The following PCDH15 variants were observed in gnomAD, a reference collection of about 807,000 sequenced individuals.
PCDH15 encodes the protein protocadherin related 15.
In PCDH15, 129 loss-of-function variants were observed where a neutral mutation model predicts 178.5. The ratio of observed to expected loss-of-function variants is 0.72; its 90% CI spans 0.63 to 0.84. The LOEUF (loss-of-function observed/expected upper bound fraction) is 0.84. Ranked by LOEUF, PCDH15 falls within the 40% of genes least tolerant of loss-of-function variation. The probability of loss-of-function intolerance (pLI) is 0.00; values close to 1 mark genes in which losing one functional copy is unlikely to be tolerated. For synonymous variants in PCDH15, 800 were observed against 732.0 expected, an observed-to-expected ratio of 1.09 and a Z score of -1.50; for missense variants, 2,230 against 2,099.9, an observed-to-expected ratio of 1.06 and a Z score of -1.21.
rs192408214 is a variant in PCDH15 at position 54,320,305 on chromosome 10, C to G, written c.706-2864G>C. ...CAAGCTATTTTAATCTCCCCTTTGA[C>G]TCCTAGAAACCTAGTTTTTCTTCCC... On this transcript the variant is annotated intron_variant, in intron 7 of 37. Coordinates refer to ENST00000644397, the MANE Select transcript of PCDH15 (RefSeq NM_001384140.1). Among the ~76,000 whole-genome samples the G allele has an allele frequency of 1.5e-4, 23 of 152,168 alleles. No homozygotes were observed. The East Asian group carries it at 4.1e-3, about 27-fold the overall frequency.
upstream of PCDH15, among the ~76,000 whole-genome samples, chr10:55,322,887 A>G (rs2132301466): frequency 6.6e-6 from 1 of 152,280 alleles, no homozygotes; most frequent in African/African-American, 2.4e-5. Context: ...TAATAGGGAA[A>G]ATGTCTCTGG....
At chr10:55,419,264 C>G (rs1472266595) in intron 2 of PCDH15, among the ~76,000 whole-genome samples, 4 of 151,608 alleles carry the variant, frequency 2.6e-5, no homozygotes, top group Non-Finnish European at 5.9e-5. Context: ...CCTAGGACAA[C>G]AAATAAATTT....
At chr10:54,429,633 C>T (rs184438610) in intron 3 of PCDH15, among the ~76,000 whole-genome samples, 75 of 151,988 alleles carry the variant, frequency 4.9e-4, no homozygotes, top group Admixed American at 2.4e-3. Context: ...AGTAAAGGCA[C>T]GGAAAAATAT....
At chr10:54,099,326 C>G (rs1403902141) in intron 15 of PCDH15, among the ~76,000 whole-genome samples, 1 of 151,442 alleles carries the variant, frequency 6.6e-6, no homozygotes, top group East Asian at 1.9e-4. Context: ...TGGTGAAACC[C>G]CATCTCTACT....
chr10:55,606,603 A>C (rs1457012383), intron 2 of PCDH15, among the ~76,000 whole-genome samples: 1 of 148,494 alleles, frequency 6.7e-6, no homozygotes, highest in South Asian at 2.2e-4. Context: ...CATATCTACA[A>C]GTATCTGATC....
chr10:55,291,282 T>C (rs1237898695), intron 1 of PCDH15, among the ~76,000 whole-genome samples: 1 of 152,172 alleles, frequency 6.6e-6, no homozygotes, highest in Non-Finnish European at 1.5e-5. Flanking sequence ...CTTAATACAA[T>C]GACAACCAAA....
At chr10:54,277,587 T>C (rs1564845885) in intron 8 of PCDH15, among the ~76,000 whole-genome samples, 1 of 151,706 alleles carries the variant, frequency 6.6e-6, no homozygotes, top group East Asian at 1.9e-4. Flanking sequence ...ATATTTGTAC[T>C]AAAGAAAAAC....
At chr10:54,979,264 G>T (rs1209707583) in intron 2 of PCDH15, among the ~76,000 whole-genome samples, 1 of 152,126 alleles carries the variant, frequency 6.6e-6, no homozygotes, top group African/African-American at 2.4e-5. Context: ...GTTTATAGAA[G>T]AAATTACTGA....
chr10:54,223,304 CAA>C (rs57667414), intron 9 of PCDH15, among the ~76,000 whole-genome samples: 1,065 of 30,676 alleles, frequency 0.035, 14 homozygotes, highest in African/African-American at 0.06. Flanking sequence ...AACTACGTCT[CAA>C]AAAAAAAAAA....
At position 54,431,910 on chromosome 10, in the gene PCDH15, G is replaced by T. The variant is rs137952478; in HGVS notation, c.158-52968C>A. On this transcript the variant is annotated intron_variant, in intron 3 of 37. Coordinates refer to ENST00000644397, the MANE Select transcript of PCDH15 (RefSeq NM_001384140.1). ...ACTGATAAACAAATTCAGGAAAGTT[G>T]CAGGATACAAAATCAATATAAAAAT... Among the ~76,000 whole-genome samples, 367 of 151,982 alleles carry T rather than the reference G, an allele frequency of 2.4e-3. 5 individuals are homozygous for T. Among genetic ancestry groups the T allele is most frequent in the East Asian group, 1.2e-3 (6 of 5,180 alleles).
intron 2 of PCDH15, among the ~76,000 whole-genome samples, chr10:54,966,334 G>C (rs187113616): frequency 1.8e-4 from 27 of 152,012 alleles, no homozygotes; most frequent in Admixed American, 1.3e-3. Context: ...AATTGACATA[G>C]AGTCATGCAC....
intron 28 of PCDH15, among the ~76,000 whole-genome samples, chr10:53,851,671 AATATATATATATATATATATATAT>A (rs71004485): frequency 0.27 from 28,504 of 104,554 alleles, 4,773 homozygotes; most frequent in East Asian, 0.71. Flanking sequence ...TCCTCCTAGA[AATATATATATATATATATATATAT>A]ATATATATAT....
At chr10:55,235,863 C>A (rs534334358) in intron 1 of PCDH15, among the ~76,000 whole-genome samples, 2 of 142,794 alleles carry the variant, frequency 1.4e-5, no homozygotes, top group African/African-American at 2.6e-5. Context: ...GCCGAGACTG[C>A]GCCACTGCAC....
intron 14 of PCDH15, among the ~76,000 whole-genome samples, chr10:54,137,244 T>C (rs1256048179): frequency 6.6e-6 from 1 of 152,170 alleles, no homozygotes; most frequent in Admixed American, 6.5e-5. Flanking sequence ...ACTGAGCATC[T>C]ATATAAGAAA....
intron 2 of PCDH15, among the ~76,000 whole-genome samples, chr10:55,586,736 A>C (rs1337838072): frequency 6.6e-6 from 1 of 152,180 alleles, no homozygotes; most frequent in East Asian, 1.9e-4. Flanking sequence ...GGCTGCATTT[A>C]TAAATACCCA....
chr10:53,935,430 A>G (rs1317701459), intron 25 of PCDH15, among the ~76,000 whole-genome samples: 1 of 152,206 alleles, frequency 6.6e-6, no homozygotes, highest in African/African-American at 2.4e-5. Flanking sequence ...TCACAACAGG[A>G]AACATATGAG....
intron 2 of PCDH15, among the ~76,000 whole-genome samples, chr10:55,388,686 C>T (rs995882460): frequency 1.3e-5 from 2 of 151,978 alleles, no homozygotes; most frequent in African/African-American, 2.4e-5. Context: ...TCCATACCTC[C>T]AGAGACTATG....
chr10:54,150,317 T>G (rs2044396957), intron 14 of PCDH15, among the ~76,000 whole-genome samples: 2 of 152,122 alleles, frequency 1.3e-5, no homozygotes, highest in African/African-American at 4.8e-5. Flanking sequence ...CGTATCTCTG[T>G]GATTAATGAT....
rs571940928 is a variant in PCDH15 at position 54,424,991 on chromosome 10, T to TA, written c.158-46050dup. The stretch of plus-strand genomic sequence containing the variant: ...ACCGGCACGTTGTGCACATGTACCC[T>TA]AGAACTTAAAGTATAATAAAAAAAA... On this transcript the variant is annotated intron_variant, in intron 3 of 37. Transcript: ENST00000644397. Among the ~76,000 whole-genome samples the TA allele has an allele frequency of 2.3e-3, 341 of 146,090 alleles. 2 individuals carry two copies. The highest frequency in any genetic ancestry group is 3.6e-3 in the Non-Finnish European group (241 of 67,046).
Sources: allele counts gnomAD v4.1 joint callset (sites outside exome capture counted in the v4.1 genomes callset), GRCh38; gene constraint gnomAD v4.1.1; transcripts MANE v1.5; gene names NCBI Gene and HGNC (gene_info 2026-07-23, HGNC 2026-07-21).